Variants in DLG2 observed in about 807,000 individuals in gnomAD.
DLG2 encodes the protein disks large homolog 2.
In DLG2, 45 loss-of-function variants were observed where a neutral mutation model predicts 132.5. The observed-to-expected ratio is 0.34, with a 90% CI of 0.27 to 0.44. The LOEUF (loss-of-function observed/expected upper bound fraction) is 0.44. Among genes scored for constraint, DLG2 ranks in the 20% least tolerant of loss-of-function variants. The pLI, the probability that DLG2 is intolerant of heterozygous loss-of-function variation, is 1.00. For synonymous variants in DLG2, 424 were observed against 419.6 expected (o/e 1.01, Z -0.13); for missense variants, 1,045 against 1,196.9 (o/e 0.87, Z 1.87).
At chr11:84,102,423 A>G (rs753575962) in intron 9 of DLG2, among the ~76,000 whole-genome samples, 9 of 152,192 alleles carry the variant, frequency 5.9e-5, no homozygotes, top group South Asian at 2.1e-4. Context: ...CAAAAAGGCC[A>G]CAATAGAAAT....
chr11:84,845,490 T>C (rs2081342856), intron 6 of DLG2, among the ~76,000 whole-genome samples: 1 of 152,044 alleles, frequency 6.6e-6, no homozygotes, highest in Non-Finnish European at 1.5e-5. Context: ...TGAACAACTT[T>C]TCAGGATGAA....
At chr11:83,491,914 A>G (rs1265808463) in intron 21 of DLG2, among the ~76,000 whole-genome samples, 3 of 151,726 alleles carry the variant, frequency 2.0e-5, no homozygotes, top group South Asian at 2.1e-4. Context: ...ATATCGTAAC[A>G]TCATCTACAC....
At chr11:85,513,789 G>A (rs554087079) in intron 3 of DLG2, among the ~76,000 whole-genome samples, 20 of 151,904 alleles carry the variant, frequency 1.3e-4, no homozygotes, top group African/African-American at 4.1e-4. Flanking sequence ...ACACCTATTT[G>A]ATATGTCTTA....
intron 6 of DLG2, among the ~76,000 whole-genome samples, chr11:85,046,626 C>G (rs2062374793): frequency 1.3e-5 from 2 of 151,816 alleles, no homozygotes; most frequent in African/African-American, 2.4e-5. Context: ...GAAGCTTAAA[C>G]TAGGCAATTA....
intron 10 of DLG2, among the ~76,000 whole-genome samples, chr11:84,089,942 T>C (rs2097060306): frequency 6.6e-6 from 1 of 152,176 alleles, no homozygotes; most frequent in Admixed American, 6.5e-5. Flanking sequence ...GTGATAGCTC[T>C]TCCCCATGAT....
chr11:85,259,615 C>T (rs1279012808), intron 4 of DLG2, among the ~76,000 whole-genome samples: 2 of 151,812 alleles, frequency 1.3e-5, no homozygotes, highest in Non-Finnish European at 2.9e-5. Flanking sequence ...AAGGCCTCAG[C>T]TACTTAGGTC....
intron 3 of DLG2, among the ~76,000 whole-genome samples, chr11:85,312,878 T>C (rs781096206): frequency 2.6e-5 from 4 of 151,912 alleles, no homozygotes; most frequent in Non-Finnish European, 4.4e-5. Context: ...TATTGAGAAA[T>C]GATGAATTTT....
intron 3 of DLG2, among the ~76,000 whole-genome samples, chr11:85,308,234 C>A (rs959710583): frequency 1.3e-5 from 2 of 148,448 alleles, no homozygotes; most frequent in Non-Finnish European, 1.5e-5. Flanking sequence ...TTTCAGAAAG[C>A]CAGTTTCTAA....
chr11:84,377,029 C>T (rs373315002), intron 7 of DLG2, among the ~76,000 whole-genome samples: 114 of 152,050 alleles, frequency 7.5e-4, no homozygotes, highest in African/African-American at 2.7e-3. Flanking sequence ...GTCAGGCTGA[C>T]AAAACCTGTA....
chr11:83,886,980 C>T (rs996166042), intron 15 of DLG2, among the ~76,000 whole-genome samples: 113 of 151,842 alleles, frequency 7.4e-4, no homozygotes, highest in African/African-American at 2.4e-3. Flanking sequence ...GCACTAAATG[C>T]CCACAAGAGA....
intron 6 of DLG2, among the ~76,000 whole-genome samples, chr11:85,100,255 G>A (rs1390134445): frequency 6.6e-6 from 1 of 152,094 alleles, no homozygotes. Context: ...CACCTTCAGA[G>A]TTCTCTAGTG....
chr11:85,324,093 G>A (rs567397575), intron 3 of DLG2, among the ~76,000 whole-genome samples: 25 of 152,144 alleles, frequency 1.6e-4, no homozygotes, highest in East Asian at 3.9e-4. Flanking sequence ...AAGTGACATC[G>A]TCCTTGCTTG....
intron 21 of DLG2, among the ~76,000 whole-genome samples, chr11:83,511,044 A>AAG (rs58621950): frequency 7.3e-6 from 1 of 137,660 alleles, no homozygotes; most frequent in South Asian, 2.3e-4. Flanking sequence ...AAAAAAAAAA[A>AAG]CCCTCTCTGT....
intron 10 of DLG2, among the ~76,000 whole-genome samples, chr11:84,086,592 C>T (rs978236427): frequency 6.3e-4 from 95 of 151,154 alleles, no homozygotes; most frequent in African/African-American, 2.1e-3. Flanking sequence ...TGGGCTCAAG[C>T]GATCCTCCCA....
At chr11:84,247,956 G>A (rs1159620509) in intron 8 of DLG2, among the ~76,000 whole-genome samples, 2 of 152,162 alleles carry the variant, frequency 1.3e-5, no homozygotes, top group East Asian at 1.9e-4. Flanking sequence ...AGAAGGAAAT[G>A]TTCTTACGCA....
chr11:84,495,799 C>T (rs2154500060), intron 7 of DLG2, among the ~76,000 whole-genome samples: 1 of 152,262 alleles, frequency 6.6e-6, no homozygotes, highest in Non-Finnish European at 1.5e-5. Context: ...TTCAGCTTTG[C>T]TCACTGAAGC....
intron 7 of DLG2, among the ~76,000 whole-genome samples, chr11:84,433,889 G>A (rs1167714597): frequency 6.6e-6 from 1 of 152,042 alleles, no homozygotes; most frequent in African/African-American, 2.4e-5. Flanking sequence ...GGCCAAGGTG[G>A]GCAGATCACT....
intron 19 of DLG2, among the ~76,000 whole-genome samples, chr11:83,606,362 G>A (rs1345249229): frequency 2.6e-5 from 4 of 152,012 alleles, no homozygotes; most frequent in Non-Finnish European, 5.9e-5. Flanking sequence ...ATCTAAATCC[G>A]TAGGCATTTA....
intron 6 of DLG2, among the ~76,000 whole-genome samples, chr11:84,825,091 G>C (rs2078172388): frequency 6.6e-6 from 1 of 151,962 alleles, no homozygotes; most frequent in African/African-American, 2.4e-5. Flanking sequence ...ACTCTTCTGA[G>C]AGACAGTCTC....
Sources: allele counts gnomAD v4.1 joint callset (sites outside exome capture counted in the v4.1 genomes callset), GRCh38; gene constraint gnomAD v4.1.1; transcripts MANE v1.5; gene names NCBI Gene and HGNC (gene_info 2026-07-23, HGNC 2026-07-21).